Variants in SLIT3 observed in about 807,000 individuals in gnomAD.
SLIT3 encodes slit homolog 3 protein.
A neutral mutation model predicts 184.0 loss-of-function variants in SLIT3; 68 were observed. The ratio of observed to expected loss-of-function variants is 0.37; its 90% confidence interval spans 0.30 to 0.45. SLIT3 has a LOEUF of 0.45. Among genes scored for constraint, SLIT3 ranks in the 20% least tolerant of loss-of-function variants. The pLI is 1.00. For synonymous variants in SLIT3, 831 were observed against 828.6 expected (o/e 1.00, Z -0.05); for missense variants, 1,707 against 2,026.0 (o/e 0.84, Z 3.02).
chr5:168,931,637 GC>G (rs1433197423), intron 4 of SLIT3, among the ~76,000 whole-genome samples: 1 of 152,220 alleles, frequency 6.6e-6, no homozygotes, highest in Non-Finnish European at 1.5e-5. Flanking sequence ...TAGGCTGGGT[GC>G]CGGAGGGTGG....
In SLIT3 at chr5:168,711,580, A is replaced by T. The variant is rs1247266896; in HGVS notation, c.2556-522T>A. ...ATTCTACTTTTGAAAGTTTTAGAATATGCATACGTAGTATATCCGTATTAT... is the reference window on the plus strand; with the variant it reads ...ATTCTACTTTTGAAAGTTTTAGAATTTGCATACGTAGTATATCCGTATTAT... On this transcript the variant is annotated intron_variant, in intron 24 of 35. Transcript: ENST00000519560. 4.6e-5 allele frequency among the ~76,000 whole-genome samples: 7 copies of T among 152,290 alleles called. No individual in the cohort carries two copies. The South Asian group carries it at 1.5e-3, about 32-fold the overall frequency.
At chr5:168,732,228 A>G (rs886359925) in intron 20 of SLIT3, among the ~76,000 whole-genome samples, 5 of 151,876 alleles carry the variant, frequency 3.3e-5, no homozygotes, top group African/African-American at 9.7e-5. Flanking sequence ...AAAAACAAAA[A>G]CAAAACCCTA....
At chr5:168,949,129 C>T (rs575877440) in intron 4 of SLIT3, among the ~76,000 whole-genome samples, 1 of 152,164 alleles carries the variant, frequency 6.6e-6, no homozygotes, top group Non-Finnish European at 1.5e-5. Flanking sequence ...GGTCAGCTCA[C>T]CCCTGAACAA....
intron 4 of SLIT3, among the ~76,000 whole-genome samples, chr5:168,912,179 C>A (rs1761272861): frequency 6.6e-6 from 1 of 152,138 alleles, no homozygotes; most frequent in African/African-American, 2.4e-5. Flanking sequence ...TTCTTAATAA[C>A]ATTTTTCCCC....
intron 8 of SLIT3, among the ~76,000 whole-genome samples, chr5:168,809,671 A>G (rs34724799): frequency 0.27 from 40,624 of 152,094 alleles, 5,722 homozygotes; most frequent in South Asian, 0.33. Context: ...GGTCTTAATC[A>G]CTGGTGTACT....
chr5:169,084,289 C>CTT (rs537953841), intron 4 of SLIT3, among the ~76,000 whole-genome samples: 16 of 140,278 alleles, frequency 1.1e-4, no homozygotes, highest in Non-Finnish European at 1.7e-4. Context: ...TTTTTCTTTT[C>CTT]TTTTTTTTTT....
chr5:169,287,490 AC>A (rs1767199048), intron 1 of SLIT3, among the ~76,000 whole-genome samples: 1 of 152,100 alleles, frequency 6.6e-6, no homozygotes, highest in African/African-American at 2.4e-5. Context: ...AAATGAAGGC[AC>A]CTTTTCATAA....
chr5:168,841,294 T>C (rs912845984), intron 6 of SLIT3, among the ~76,000 whole-genome samples: 1 of 152,214 alleles, frequency 6.6e-6, no homozygotes, highest in Non-Finnish European at 1.5e-5. Context: ...AGTAGTTCTA[T>C]TGAGAGATTG....
chr5:169,032,919 TTGA>T lies in SLIT3; in HGVS notation c.414-149586_414-149584del, dbSNP rs1210604858. Among the ~76,000 whole-genome samples, 68 of 134,158 alleles carry T rather than the reference TTGA, an allele frequency of 5.1e-4. 1 individual carries two copies. The highest frequency in any genetic ancestry group is 7.7e-4 in the Non-Finnish European group (46 of 59,666). The allele number at this position is 134,158 out of a possible 152,430, so 88.0% of individuals were successfully genotyped here. On this transcript the variant is annotated intron_variant, in intron 4 of 35. Transcript: ENST00000519560. ...TCATCTCATAAGTATCCATTTTTCC[TTGA>T]TTTTTTTTTTTTTTTTTTTTTTTTT...
Position 169,267,804 on chromosome 5 carries a change from T to C in SLIT3, c.198-16345A>G, listed in dbSNP as rs139496821. Among the ~76,000 whole-genome samples, 455 of 152,360 alleles carry C rather than the reference T, an allele frequency of 3.0e-3. 2 individuals carry two copies. Among genetic ancestry groups the C allele is most frequent in the African/African-American group, 0.01 (434 of 41,586 alleles). On this transcript the variant is annotated intron_variant, in intron 1 of 35. Coordinates refer to ENST00000519560, the MANE Select transcript of SLIT3 (RefSeq NM_003062.4). ...CATGTCTTTGTTCTTAAGGAGACCT[T>C]CTTCCTGTCCACTTGGGCTGAAGAC...
chr5:169,256,700 G>C (rs1342472362), intron 1 of SLIT3, among the ~76,000 whole-genome samples: 1 of 152,154 alleles, frequency 6.6e-6, no homozygotes, highest in African/African-American at 2.4e-5. Flanking sequence ...CCATTCACAT[G>C]GCTTTTGGTG....
intron 3 of SLIT3, among the ~76,000 whole-genome samples, chr5:169,218,564 G>A (rs1764520304): frequency 6.6e-6 from 1 of 152,226 alleles, no homozygotes; most frequent in South Asian, 2.1e-4. Flanking sequence ...GAGCTCTGCA[G>A]CTAGATTGCC....
At chr5:168,903,754 T>C (rs1398572416) in intron 4 of SLIT3, among the ~76,000 whole-genome samples, 1 of 152,128 alleles carries the variant, frequency 6.6e-6, no homozygotes, top group African/African-American at 2.4e-5. Flanking sequence ...ATGATCCCCC[T>C]CTACAATTCA....
intron 4 of SLIT3, among the ~76,000 whole-genome samples, chr5:168,961,385 A>C (rs1384128862): frequency 6.6e-6 from 1 of 152,238 alleles, no homozygotes; most frequent in African/African-American, 2.4e-5. Context: ...CAAAACTAAA[A>C]GCTGTAGACA....
At chr5:169,067,405 C>T (rs75798376) in intron 4 of SLIT3, among the ~76,000 whole-genome samples, 2 of 149,738 alleles carry the variant, frequency 1.3e-5, no homozygotes, top group African/African-American at 2.5e-5. Context: ...GACTCCACCT[C>T]AAAAAAAAAT....
At chr5:168,903,949 CT>C (rs1301536932) in intron 4 of SLIT3, among the ~76,000 whole-genome samples, 2 of 152,170 alleles carry the variant, frequency 1.3e-5, no homozygotes, top group East Asian at 3.9e-4. Flanking sequence ...GACAGGGGAA[CT>C]GAGTTTGTTG....
chr5:169,154,228 G>A (rs1005673900), intron 4 of SLIT3, among the ~76,000 whole-genome samples: 5 of 152,172 alleles, frequency 3.3e-5, no homozygotes, highest in Non-Finnish European at 4.4e-5. Context: ...CCAAAGTTCT[G>A]GGATTACAGG....
intron 4 of SLIT3, among the ~76,000 whole-genome samples, chr5:169,152,313 G>C (rs1762141548): frequency 6.6e-6 from 1 of 152,198 alleles, no homozygotes; most frequent in South Asian, 2.1e-4. Flanking sequence ...ACATCACTCA[G>C]AAAGCAAATA....
At chr5:168,890,208 C>T (rs1351625744) in intron 4 of SLIT3, among the ~76,000 whole-genome samples, 1 of 150,214 alleles carries the variant, frequency 6.7e-6, no homozygotes, top group Non-Finnish European at 1.5e-5. Context: ...CAGAAGAAAG[C>T]TTGTCTCTAA....
Sources: gnomAD v4.1 joint callset for allele counts (sites outside exome capture counted in the v4.1 genomes callset) on GRCh38, gnomAD v4.1.1 for gene constraint, MANE v1.5 for transcripts, NCBI Gene and HGNC (gene_info 2026-07-23, HGNC 2026-07-21) for gene names.